The following HEATR4 variants were observed in gnomAD, a reference collection of about 807,000 sequenced individuals.
The protein encoded by HEATR4 is HEAT repeat-containing protein 4.
Under a neutral mutation model 108.8 loss-of-function variants are expected in HEATR4, and 95 were observed. That is an observed-to-expected ratio of 0.87 (90% CI 0.74 to 1.04). The LOEUF is 1.04. Ranked by LOEUF, HEATR4 falls within the 50% of genes least tolerant of loss-of-function variation. The pLI is 0.00. For missense variants in HEATR4, 1,152 were observed against 1,253.8 expected, an observed-to-expected ratio of 0.92 and a Z score of 1.23; for synonymous variants, 443 against 459.4, an observed-to-expected ratio of 0.96 and a Z score of 0.46.
chr14:73,612,467 G>C, the HEATR4 span: 7 of 778,330 alleles, frequency 9.0e-6, no homozygotes, highest in Non-Finnish European at 1.3e-5. Flanking sequence ...AATGGGAGTA[G>C]TGTTAAGGGC....
At chr14:73,520,529 G>A (rs765106812) in intron 4 of HEATR4, 6 of 214,378 alleles carry the variant, frequency 2.8e-5, no homozygotes, top group South Asian at 1.8e-4. Context: ...AGAATATCTC[G>A]AAGTGAGAGA....
At chr14:73,516,633 G>C (rs1887615161) in intron 5 of HEATR4, among the ~76,000 whole-genome samples, 1 of 152,068 alleles carries the variant, frequency 6.6e-6, no homozygotes, top group Non-Finnish European at 1.5e-5. Flanking sequence ...TAAAGCTGGG[G>C]TCCCTAACCC....
chr14:73,501,329 G>A (rs1322605339), intron 11 of HEATR4, among the ~76,000 whole-genome samples: 1 of 152,056 alleles, frequency 6.6e-6, no homozygotes, highest in Non-Finnish European at 1.5e-5. Flanking sequence ...GTTTCACTAT[G>A]TTAGCCAGGA....
At chr14:73,591,616 C>G in the HEATR4 span, 1 of 258,682 alleles carries the variant, frequency 3.9e-6, no homozygotes, top group African/African-American at 2.2e-5. Flanking sequence ...ATCTCATTGG[C>G]TTTTGGTTTC....
chr14:73,505,759 T>C (rs1886768954), intron 10 of HEATR4, among the ~76,000 whole-genome samples: 1 of 152,000 alleles, frequency 6.6e-6, no homozygotes, highest in Non-Finnish European at 1.5e-5. Flanking sequence ...TTTAGATGGG[T>C]TTTTGGGTAG....
the HEATR4 span, chr14:73,569,342 C>G: frequency 6.2e-6 from 10 of 1,613,858 alleles, no homozygotes; most frequent in South Asian, 3.3e-5. Flanking sequence ...CCCGGCTGTA[C>G]CAATGGAGCC....
rs1389656061 is a variant in HEATR4 at position 73,509,810 on chromosome 14, CCATATATATATATATATATATA to C, written c.1559-359_1559-338del. On this transcript the variant is annotated intron_variant, in intron 7 of 17. Coordinates refer to ENST00000553558, the MANE Select transcript of HEATR4 (RefSeq NM_001220484.1). Reference sequence around the variant, plus strand: ...AAAGCAACCAATTTGCCCCATGAGCCCATATATATATATATATATATATATATATATATATATATATATATAT... The same window carrying C: ...AAAGCAACCAATTTGCCCCATGAGCCTATATATATATATATATATATATAT... Among the ~76,000 whole-genome samples, 250 of 63,192 alleles carry C rather than the reference CCATATATATATATATATATATA, an allele frequency of 4.0e-3. 21 individuals carry two copies. Among genetic ancestry groups the C allele is most frequent in the Admixed American group, 0.012 (50 of 4,304 alleles). 41.5% of individuals were successfully genotyped at this position (63,192 alleles called of 152,430 possible).
In HEATR4 at chr14:73,506,456, AAG is replaced by A. The variant is rs778025966; in HGVS notation, c.1986+9_1986+10del. 1.2e-6 allele frequency: 2 copies of A among 1,607,106 alleles called. No individual in the cohort carries two copies. The highest frequency in any genetic ancestry group is 8.5e-7 in the Non-Finnish European group (1 of 1,174,498). On this transcript the variant is annotated intron_variant, in intron 10 of 17. Transcript: ENST00000553558. Reference sequence around the variant, plus strand: ...AGGCTTTCTGTCCTGGAGGCAAAGAAAGAGGTTTACCAAGCAGACATTTCCAC... The same window carrying A: ...AGGCTTTCTGTCCTGGAGGCAAAGAAAGGTTTACCAAGCAGACATTTCCAC...
At position 73,492,701 on chromosome 14, in the gene HEATR4, G is replaced by C. The variant is rs113610134; in HGVS notation, c.2844+365C>G. The C allele has an allele frequency of 1.9e-6, 3 of 1,613,968 alleles. No individual in the cohort carries two copies. Among genetic ancestry groups the C allele is most frequent in the Non-Finnish European group, 2.5e-6 (3 of 1,179,878 alleles). ...TGGGATAGCTCGGCTGGTGGGTGAG[G>C]GGGGCCATTTGTTTCTCTATTACAC... On this transcript the variant is annotated intron_variant, in intron 17 of 17. Coordinates refer to ENST00000553558, the MANE Select transcript of HEATR4 (RefSeq NM_001220484.1). This position sits in a 1 kb window ranked among gnomAD's most constrained non-coding sequence, Gnocchi z 4.9.
chr14:73,589,129 G>A, the HEATR4 span, among the ~76,000 whole-genome samples: 4 of 150,118 alleles, frequency 2.7e-5, no homozygotes, highest in Admixed American at 2.0e-4. Flanking sequence ...GGGTTCGTTT[G>A]TTCTACATCT....
chr14:73,506,804 G>GTTTTTTTTTTTTTTGTTTTTTTTTTTT (rs1268314395), intron 9 of HEATR4, among the ~76,000 whole-genome samples: 5 of 80,492 alleles, frequency 6.2e-5, no homozygotes, highest in African/African-American at 2.0e-4. Flanking sequence ...GACTTTAACT[G>GTTTTTTTTTTTTTTGTTTTTTTTTTTT]TTTTTTTTTT....
chr14:73,491,673 A>G (rs1268374078), intron 17 of HEATR4: 5 of 1,549,688 alleles, frequency 3.2e-6, no homozygotes, highest in Non-Finnish European at 3.5e-6. Context: ...GATCACTTTT[A>G]CCGGCGCCTA....
chr14:73,548,464 C>T (rs115253917), intron 1 of HEATR4, among the ~76,000 whole-genome samples: 1,406 of 114,756 alleles, frequency 0.012, 21 homozygotes, highest in African/African-American at 0.038. Flanking sequence ...GAGCCAGTGC[C>T]ATCATTGTGG....
the HEATR4 span, among the ~76,000 whole-genome samples, chr14:73,589,155 T>C: frequency 4.6e-5 from 7 of 152,276 alleles, no homozygotes; most frequent in South Asian, 2.1e-4. Flanking sequence ...TTTGGACAAA[T>C]GTATAATGAC....
At chr14:73,573,576 C>T in the HEATR4 span, 42 of 1,613,620 alleles carry the variant, frequency 2.6e-5, no homozygotes, top group Non-Finnish European at 3.1e-5. Flanking sequence ...GAACTACTTG[C>T]TCAGTCATCC....
chr14:73,501,205 GC>G (rs2140262478), intron 11 of HEATR4, among the ~76,000 whole-genome samples: 1 of 151,876 alleles, frequency 6.6e-6, no homozygotes, highest in South Asian at 2.1e-4. Context: ...TGCAAGCGCC[GC>G]CTCCTGGGTT....
chr14:73,569,348 G>A, the HEATR4 span: 2 of 1,613,978 alleles, frequency 1.2e-6, no homozygotes, highest in African/African-American at 2.7e-5. Flanking sequence ...TGTACCAATG[G>A]AGCCTGAAGA....
At chr14:73,482,476 T>G (rs1380861489) in intron 17 of HEATR4, among the ~76,000 whole-genome samples, 1 of 152,118 alleles carries the variant, frequency 6.6e-6, no homozygotes, top group Middle Eastern at 3.4e-3. Context: ...GGGCCGAGAC[T>G]GCGCCACTGC....
intron 5 of HEATR4, 81 bp downstream of exon 5, chr14:73,518,942 G>T: frequency 7.1e-7 from 1 of 1,409,484 alleles, no homozygotes; most frequent in Non-Finnish European, 9.7e-7. Context: ...GGGAGCTCTA[G>T]CACATGAATA....
Sources: gnomAD v4.1 joint callset for allele counts (sites outside exome capture counted in the v4.1 genomes callset) on GRCh38, gnomAD v4.1.1 for gene constraint, Gnocchi (gnomAD v3.1) non-coding constraint, MANE v1.5 for transcripts, NCBI Gene and HGNC (gene_info 2026-07-23, HGNC 2026-07-21) for gene names.